The following NUP58 variants were observed in gnomAD, a reference collection of about 807,000 sequenced individuals.
The protein encoded by NUP58 is nucleoporin 58, also known as nucleoporin p58/p45.
Under a neutral mutation model 70.1 loss-of-function variants are expected in NUP58, and 17 were observed. The ratio of observed to expected loss-of-function variants is 0.24; its 90% CI spans 0.17 to 0.36. NUP58 has a LOEUF of 0.36. Ranked by LOEUF, NUP58 falls within the 10% of genes least tolerant of loss-of-function variation. The pLI, the probability that NUP58 is intolerant of heterozygous loss-of-function variation, is 1.00. For synonymous variants in NUP58, 275 were observed against 257.6 expected (o/e 1.07, Z -0.65); for missense variants, 644 against 701.5 (o/e 0.92, Z 0.93).
chr13:25,319,278 T>G, intron 6 of NUP58, 48 bp from the exon 7 acceptor site: 2 of 1,502,724 alleles, frequency 1.3e-6, no homozygotes, highest in South Asian at 1.1e-5. Context: ...TTGGAGTATG[T>G]TGTTCAATTA....
rs1167408881 is a variant in NUP58 at position 25,313,651 on chromosome 13, A to G, written c.474A>G (p.Thr158=). 2.6e-6 allele frequency: 4 copies of G among 1,526,418 alleles called. No homozygotes were observed. The African/African-American group carries it at 5.8e-5, about 22-fold the overall frequency. The allele number at this position is 1,526,418 out of a possible 1,614,324, so 94.6% of individuals were successfully genotyped here. Residue 158 remains threonine (T), a synonymous_variant, in exon 5 of 16, where the codon ACA becomes ACG. Transcript: ENST00000381736. ...TGFTLNNLGG[T]TATTTTASTG... ...TTACTCTAAATAATTTGGGTGGGACAACAGCCACAACTACAACTGCATCAA... is the reference window on the plus strand; with the variant it reads ...TTACTCTAAATAATTTGGGTGGGACGACAGCCACAACTACAACTGCATCAA...
At position 25,341,076 on chromosome 13, in the gene NUP58, T is replaced by C. The variant is rs1445728454; in HGVS notation, c.*942T>C. ...GCTTAGAGGTACCAGGTCATTGCAG[T>C]TGTTTGCTTAAAGACTTATTGAAAT... is the stretch of plus-strand genomic sequence containing the variant. On this transcript the variant is annotated 3_prime_UTR_variant, in exon 16 of 16. Transcript: ENST00000381736. The C allele has an allele frequency of 2.0e-5, 3 of 152,174 alleles. No individual in the cohort carries two copies. The highest frequency in any genetic ancestry group is 7.2e-5 in the African/African-American group (3 of 41,436). The allele number at this position is 152,174 out of a possible 1,614,324, so 9.4% of individuals were successfully genotyped here. A position where few individuals can be genotyped will look rare whatever the true frequency, so the allele number is the denominator to read the frequency against.
Position 25,319,212 on chromosome 13 carries a change from G to A in NUP58, c.686-114G>A. ...ACATGATGTTTATGAGGCAAGCAAAGAAATGCTTAACAGTTTATATTTATA... is the reference window on the plus strand; with the variant it reads ...ACATGATGTTTATGAGGCAAGCAAAAAAATGCTTAACAGTTTATATTTATA... On this transcript the variant is annotated intron_variant, in intron 6 of 15. Coordinates refer to ENST00000381736, the MANE Select transcript of NUP58 (RefSeq NM_014089.4). The A allele has an allele frequency of 3.1e-6, 3 of 961,468 alleles. No homozygotes were observed. The South Asian group carries it at 4.1e-5, about 13-fold the overall frequency. The allele number at this position is 961,468 out of a possible 1,614,324, so 59.6% of individuals were successfully genotyped here.
Position 25,341,725 on chromosome 13 carries a change from G to A in NUP58, c.*1591G>A, listed in dbSNP as rs956303246. ...AGAGAACTGCCTTAGCCATGATTTC[G>A]TTAGTAGACCTATTTATGATTCAAT... On this transcript the variant is annotated 3_prime_UTR_variant, in exon 16 of 16. Coordinates refer to ENST00000381736, the MANE Select transcript of NUP58 (RefSeq NM_014089.4). 5.9e-5 allele frequency: 9 copies of A among 152,510 alleles called. No homozygotes were observed. Among genetic ancestry groups the A allele is most frequent in the Non-Finnish European group, 8.8e-5 (6 of 67,996 alleles). The allele number at this position is 152,510 out of a possible 1,614,324, so 9.4% of individuals were successfully genotyped here. A position where few individuals can be genotyped will look rare whatever the true frequency, so the allele number is the denominator to read the frequency against.
In NUP58 at chr13:25,327,492, T is replaced by G. The variant is rs1332034082; in HGVS notation, c.1213T>G (p.Ser405Ala). ...TFVALAAQLQSIHENVKVLKE... is the reference protein window; with the variant it reads ...TFVALAAQLQAIHENVKVLKE... ...TGTAGCTTTAGCGGCACAACTTCAG[T>G]CTATTCATGAAAATGTAAAGGTAAG... The change falls in exon 12 of 16, where the codon TCT (serine) becomes GCT (alanine). Residue 405 changes from serine (S) to alanine (A), a missense_variant. By Grantham distance (99) the Ser-to-Ala change is moderately conservative. This residue lies in a region of NUP58 where 78 missense variants were observed against 71.3 expected (regional missense o/e 1.09). Transcript: ENST00000381736. The G allele has an allele frequency of 6.2e-7, 1 of 1,610,232 alleles. No homozygotes were observed.
chr13:25,337,075 T>A, intron 14 of NUP58, 41 bp downstream of exon 14: 1 of 1,387,828 alleles, frequency 7.2e-7, no homozygotes. Context: ...AACTATTATA[T>A]ATTTGAATTG....
intron 7 of NUP58, 130 bp downstream of exon 7, chr13:25,319,480 C>T (rs765804711): frequency 1.1e-4 from 79 of 708,250 alleles, no homozygotes; most frequent in Non-Finnish European, 1.8e-4. Flanking sequence ...TAATGGTATT[C>T]GTTAAAAGTA....
intron 3 of NUP58, among the ~76,000 whole-genome samples, chr13:25,347,866 A>C (rs1419324708): frequency 6.6e-6 from 1 of 152,202 alleles, no homozygotes; most frequent in Non-Finnish European, 1.5e-5. Flanking sequence ...AAAAAACAAT[A>C]ATGTGCTGAG....
intron 13 of NUP58, chr13:25,336,056 A>C: frequency 8.4e-7 from 1 of 1,187,900 alleles, no homozygotes; most frequent in Non-Finnish European, 1.1e-6. Flanking sequence ...CAAAATCTTT[A>C]AAGTAACAAG....
At position 25,321,074 on chromosome 13, in the gene NUP58, T is replaced by G; in HGVS notation, c.932T>G (p.Leu311Trp). 1 of 1,587,396 alleles carries G rather than the reference T, an allele frequency of 6.3e-7. No homozygotes were observed. The highest frequency in any genetic ancestry group is 8.5e-7 in the Non-Finnish European group (1 of 1,171,966). ...IQRNTLNIDK[L>W]KIETAQELKN... ...AGAAACACTCTCAACATTGACAAAT[T>G]GAAAATAGAAACTGCTCAGGTATAC... is the stretch of plus-strand genomic sequence containing the variant. Residue 311 changes from leucine to tryptophan, a missense_variant, in exon 9 of 16, where the codon TTG becomes TGG. Physicochemically the swap from Leu to Trp is moderately conservative, Grantham distance 61. Around this residue, in one of 4 missense-constraint regions of NUP58, gnomAD observed 430 missense variants for 409.2 expected, o/e 1.05. Coordinates refer to ENST00000381736, the MANE Select transcript of NUP58 (RefSeq NM_014089.4).
chr13:25,318,453 A>G (rs2031038901), intron 6 of NUP58, among the ~76,000 whole-genome samples: 1 of 152,180 alleles, frequency 6.6e-6, no homozygotes, highest in Non-Finnish European at 1.5e-5. Context: ...TCACATTTTA[A>G]CATCTCTGAA....
At chr13:25,324,626 A>G (rs1465140698) in intron 9 of NUP58, among the ~76,000 whole-genome samples, 1 of 152,100 alleles carries the variant, frequency 6.6e-6, no homozygotes, top group African/African-American at 2.4e-5. Context: ...CAGCCTCAAC[A>G]TTATTATTGC....
At chr13:25,308,767 TAA>T (rs2030507534) in intron 2 of NUP58, among the ~76,000 whole-genome samples, 1 of 152,218 alleles carries the variant, frequency 6.6e-6, no homozygotes, top group African/African-American at 2.4e-5. Context: ...GCTGACCATT[TAA>T]AAAGTTTGCT....
chr13:25,317,991 G>A (rs1442198877), intron 6 of NUP58, among the ~76,000 whole-genome samples: 2 of 150,206 alleles, frequency 1.3e-5, no homozygotes, highest in Non-Finnish European at 2.9e-5. Flanking sequence ...AACCTCCTAA[G>A]TAGCTGGGAC....
downstream of NUP58, among the ~76,000 whole-genome samples, chr13:25,343,874 C>G (rs1350636354): frequency 3.2e-5 from 3 of 95,096 alleles, no homozygotes; most frequent in African/African-American, 1.3e-4. Context: ...CACACACACC[C>G]CACACCAACT....
intron 3 of NUP58, 188 bp downstream of exon 3, chr13:25,309,470 C>T (rs1219746852): frequency 6.3e-6 from 3 of 475,904 alleles, no homozygotes; most frequent in South Asian, 4.0e-5. Flanking sequence ...GGAATGACTT[C>T]GTAGAGTACT....
At chr13:25,312,205 A>G (rs1308059237) in intron 3 of NUP58, among the ~76,000 whole-genome samples, 1 of 152,164 alleles carries the variant, frequency 6.6e-6, no homozygotes, top group African/African-American at 2.4e-5. Context: ...TGACAGAGAC[A>G]CAAGGGCCAG....
chr13:25,307,550 C>T (rs1345332081), intron 1 of NUP58, among the ~76,000 whole-genome samples: 1 of 152,128 alleles, frequency 6.6e-6, no homozygotes, highest in Non-Finnish European at 1.5e-5. Flanking sequence ...ACTACTTTTA[C>T]ATGTGGATTT....
In NUP58 at chr13:25,319,322, C is replaced by T; in HGVS notation, c.686-4C>T. 5 of 1,612,400 alleles carry T rather than the reference C, an allele frequency of 3.1e-6. No individual in the cohort carries two copies. The highest frequency in any genetic ancestry group is 4.2e-6 in the Non-Finnish European group (5 of 1,178,942). On this transcript the variant is annotated splice_polypyrimidine_tract_variant and splice_region_variant and intron_variant, in intron 6 of 15. Coordinates refer to ENST00000381736, the MANE Select transcript of NUP58 (RefSeq NM_014089.4). ...TTTTACGTGAAGCTTCTTGAATTTT[C>T]TAGGTGATAAAACGGGAACAAGACC...
Sources: gnomAD v4.1 joint callset for allele counts (sites outside exome capture counted in the v4.1 genomes callset) on GRCh38, gnomAD v4.1.1 for gene constraint, gnomAD v4.1.1 regional missense constraint, MANE v1.5 for transcripts, NCBI Gene and HGNC (gene_info 2026-07-23, HGNC 2026-07-21) for gene names.